Variants in ITGBL1 observed in about 807,000 individuals in gnomAD.
ITGBL1 encodes the protein integrin subunit beta like 1.
A neutral mutation model predicts 68.5 loss-of-function variants in ITGBL1; 51 were observed. The observed-to-expected ratio is 0.74, with a 90% CI of 0.59 to 0.94. ITGBL1 has a LOEUF of 0.94. Among genes scored for constraint, ITGBL1 ranks in the 40% least tolerant of loss-of-function variants. The probability of loss-of-function intolerance (pLI) is 0.00; values close to 1 mark genes in which losing one functional copy is unlikely to be tolerated. For missense variants in ITGBL1, 649 were observed against 647.4 expected, an observed-to-expected ratio of 1.00 and a Z score of -0.03; for synonymous variants, 209 against 227.3, an observed-to-expected ratio of 0.92 and a Z score of 0.72.
intron 6 of ITGBL1, among the ~76,000 whole-genome samples, chr13:101,583,642 A>G (rs2050502559): frequency 6.6e-6 from 1 of 152,196 alleles, no homozygotes; most frequent in Non-Finnish European, 1.5e-5. Flanking sequence ...CATGTACCCC[A>G]TAAACATATG....
chr13:101,607,976 C>T (rs374078124), intron 7 of ITGBL1, among the ~76,000 whole-genome samples: 15 of 152,106 alleles, frequency 9.9e-5, no homozygotes, highest in Middle Eastern at 3.4e-3. Context: ...TCTTATCTGT[C>T]CTGTTTGCCC....
At position 101,466,581 on chromosome 13, in the gene ITGBL1, C is replaced by T. The variant is rs2048384564; in HGVS notation, c.316+12481C>T. Among the ~76,000 whole-genome samples the T allele has an allele frequency of 1.3e-5, 2 of 152,188 alleles. 1 individual carries two copies. The highest frequency in any genetic ancestry group is 4.8e-5 in the African/African-American group (2 of 41,456). On this transcript the variant is annotated intron_variant, in intron 2 of 10. Transcript: ENST00000376180. ...TCCCATCTCTCTAGTTAGATCTTAACATCACTGTCACTTAATACAGTCTAC... is the reference window on the plus strand; with the variant it reads ...TCCCATCTCTCTAGTTAGATCTTAATATCACTGTCACTTAATACAGTCTAC...
chr13:101,454,273 C>T (rs370607108), intron 2 of ITGBL1, among the ~76,000 whole-genome samples, 173 bp downstream of exon 2: 1 of 152,194 alleles, frequency 6.6e-6, no homozygotes, highest in Non-Finnish European at 1.5e-5. Flanking sequence ...TTTATCACAA[C>T]ACTTTTATCC....
intron 7 of ITGBL1, among the ~76,000 whole-genome samples, chr13:101,672,591 C>A (rs943844860): frequency 1.3e-5 from 2 of 152,260 alleles, no homozygotes; most frequent in Admixed American, 1.3e-4. Flanking sequence ...TTCCCACACA[C>A]AATGTAAATG....
At chr13:101,516,230 A>C (rs545042000) in intron 2 of ITGBL1, among the ~76,000 whole-genome samples, 4 of 152,288 alleles carry the variant, frequency 2.6e-5, no homozygotes, top group African/African-American at 9.6e-5. Context: ...TTCTGAAAGC[A>C]GGCTTTCTTT....
intron 9 of ITGBL1, chr13:101,713,461 C>A (rs2139613057): frequency 6.6e-6 from 1 of 152,272 alleles, no homozygotes; most frequent in South Asian, 2.1e-4. Flanking sequence ...ATACAGCCAT[C>A]TTTTAGTAAA....
At chr13:101,685,639 A>G (rs1286185158) in intron 7 of ITGBL1, among the ~76,000 whole-genome samples, 5 of 152,228 alleles carry the variant, frequency 3.3e-5, no homozygotes, top group Non-Finnish European at 7.4e-5. Flanking sequence ...ACCTGTTGGC[A>G]TTAGTATTTA....
chr13:101,453,753 G>A (rs922641588), intron 1 of ITGBL1, 130 bp from the exon 2 acceptor site: 4 of 464,222 alleles, frequency 8.6e-6, no homozygotes, highest in Non-Finnish European at 1.3e-5. Context: ...AGAGATGTGG[G>A]CCTCAGGCGT....
chr13:101,479,691 C>A (rs1349405570), intron 2 of ITGBL1, among the ~76,000 whole-genome samples: 1 of 151,864 alleles, frequency 6.6e-6, no homozygotes, highest in African/African-American at 2.4e-5. Flanking sequence ...AAATAGCAAA[C>A]AGGCATATGA....
At chr13:101,671,668 G>C (rs561295280) in intron 7 of ITGBL1, among the ~76,000 whole-genome samples, 361 of 151,130 alleles carry the variant, frequency 2.4e-3, no homozygotes, top group African/African-American at 8.4e-3. Flanking sequence ...TCGATCTCCT[G>C]ACCTCATGAT....
At chr13:101,625,157 C>T (rs1270822428) in intron 7 of ITGBL1, among the ~76,000 whole-genome samples, 2 of 152,176 alleles carry the variant, frequency 1.3e-5, no homozygotes, top group African/African-American at 4.8e-5. Flanking sequence ...TAGATTTAAT[C>T]ATCATGCCTG....
At chr13:101,503,178 T>TA (rs1490116188) in intron 2 of ITGBL1, among the ~76,000 whole-genome samples, 3 of 152,034 alleles carry the variant, frequency 2.0e-5, no homozygotes, top group Admixed American at 6.6e-5. Context: ...TTTAGGGAGG[T>TA]AAAATTAAGA....
At chr13:101,542,131 C>A (rs1323926981) in intron 2 of ITGBL1, among the ~76,000 whole-genome samples, 3 of 152,140 alleles carry the variant, frequency 2.0e-5, no homozygotes, top group African/African-American at 7.2e-5. Flanking sequence ...TTTTCTAGTT[C>A]TTTTAATTGT....
intron 7 of ITGBL1, among the ~76,000 whole-genome samples, chr13:101,636,880 A>G (rs1310679371): frequency 6.6e-6 from 1 of 152,184 alleles, no homozygotes; most frequent in African/African-American, 2.4e-5. Context: ...CTGCTTTGAT[A>G]AATTTTGTTC....
intron 7 of ITGBL1, among the ~76,000 whole-genome samples, chr13:101,619,377 A>G (rs2031496273): frequency 6.6e-6 from 1 of 152,046 alleles, no homozygotes; most frequent in South Asian, 2.1e-4. Flanking sequence ...GGAAAGAAAG[A>G]GTCAGAATCA....
At chr13:101,491,787 C>T (rs768000910) in intron 2 of ITGBL1, among the ~76,000 whole-genome samples, 2 of 152,110 alleles carry the variant, frequency 1.3e-5, no homozygotes, top group African/African-American at 2.4e-5. Context: ...CCCTCCACCC[C>T]CTGACAGGGC....
chr13:101,562,991 T>A (rs1215147517), intron 2 of ITGBL1, among the ~76,000 whole-genome samples: 1 of 151,324 alleles, frequency 6.6e-6, no homozygotes, highest in Middle Eastern at 3.2e-3. Flanking sequence ...TGAAAAAAAT[T>A]TGAACAACAC....
chr13:101,528,516 G>A (rs941943532), intron 2 of ITGBL1, among the ~76,000 whole-genome samples: 12 of 151,232 alleles, frequency 7.9e-5, no homozygotes, highest in African/African-American at 2.9e-4. Context: ...GTGCCATGTT[G>A]TGTTCTTCTT....
intron 7 of ITGBL1, among the ~76,000 whole-genome samples, chr13:101,654,672 A>G (rs1336658194): frequency 6.6e-6 from 1 of 152,192 alleles, no homozygotes; most frequent in African/African-American, 2.4e-5. Flanking sequence ...CTTATGATAT[A>G]AAGTGAGAAG....
Sources: gnomAD v4.1 joint callset for allele counts (sites outside exome capture counted in the v4.1 genomes callset) on GRCh38, gnomAD v4.1.1 for gene constraint, MANE v1.5 for transcripts, NCBI Gene and HGNC (gene_info 2026-07-23, HGNC 2026-07-21) for gene names.